The following CTNND2 variants were observed in gnomAD, a reference collection of about 807,000 sequenced individuals.
CTNND2 encodes catenin delta-2.
CTNND2 carries 22 observed loss-of-function variants against 144.4 expected under a neutral mutation model. The observed-to-expected ratio is 0.15, with a 90% CI of 0.11 to 0.22. CTNND2 has a LOEUF of 0.22. Ranked by LOEUF, CTNND2 falls within the 10% of genes least tolerant of loss-of-function variation. The pLI is 1.00. For missense variants in CTNND2, 1,353 were observed against 1,618.8 expected (o/e 0.84, Z 2.82); for synonymous variants, 751 against 695.6 (o/e 1.08, Z -1.25).
chr5:11,672,035 C>T (rs1279790479), intron 2 of CTNND2, among the ~76,000 whole-genome samples: 2 of 152,166 alleles, frequency 1.3e-5, no homozygotes, highest in Non-Finnish European at 2.9e-5. Context: ...AACAGTGAAG[C>T]CGCTCTGAGG....
At chr5:11,411,745 C>A in intron 4 of CTNND2, 93 bp from the exon 5 acceptor site, 1 of 833,782 alleles carries the variant, frequency 1.2e-6, no homozygotes, top group South Asian at 1.7e-5. Context: ...ATATCCTAGT[C>A]AAATATATTA....
At chr5:11,218,274 C>A (rs1425502086) in intron 10 of CTNND2, among the ~76,000 whole-genome samples, 1 of 152,092 alleles carries the variant, frequency 6.6e-6, no homozygotes, top group Non-Finnish European at 1.5e-5. Flanking sequence ...AAATTTTCCC[C>A]GTTGAGTCAT....
At chr5:11,474,261 G>A (rs557250414) in intron 3 of CTNND2, among the ~76,000 whole-genome samples, 5 of 152,076 alleles carry the variant, frequency 3.3e-5, no homozygotes, top group East Asian at 1.9e-4. Context: ...CTGATTGTTC[G>A]GCCCACCTCC....
At chr5:11,297,399 G>A (rs1429206956) in intron 9 of CTNND2, among the ~76,000 whole-genome samples, 1 of 152,140 alleles carries the variant, frequency 6.6e-6, no homozygotes, top group African/African-American at 2.4e-5. Flanking sequence ...TATTACCACA[G>A]ACAGAATACA....
intron 11 of CTNND2, among the ~76,000 whole-genome samples, chr5:11,192,644 G>C (rs1000297451): frequency 1.3e-5 from 2 of 152,116 alleles, no homozygotes; most frequent in African/African-American, 4.8e-5. Flanking sequence ...AGTGGAAAGG[G>C]GTCATGAGCC....
rs111807112 is a variant in CTNND2 at position 11,719,577 on chromosome 5, A to G, written c.174+12559T>C. ...ACAACAACAACAAAACTATATTTAAATGTTGTCAAGATTAAAAAATAATAT... is the reference window on the plus strand; with the variant it reads ...ACAACAACAACAAAACTATATTTAAGTGTTGTCAAGATTAAAAAATAATAT... On this transcript the variant is annotated intron_variant, in intron 2 of 21. Coordinates refer to ENST00000304623, the MANE Select transcript of CTNND2 (RefSeq NM_001332.4). 1.4e-3 allele frequency among the ~76,000 whole-genome samples: 215 copies of G among 152,312 alleles called. 1 individual carries two copies. Among genetic ancestry groups the G allele is most frequent in the African/African-American group, 5.0e-3 (206 of 41,564 alleles).
intron 9 of CTNND2, among the ~76,000 whole-genome samples, chr5:11,250,921 C>A (rs771898033): frequency 6.6e-6 from 1 of 152,010 alleles, no homozygotes; most frequent in African/African-American, 2.4e-5. Flanking sequence ...TAGTTTTGTT[C>A]GTGCAAATAA....
intron 10 of CTNND2, among the ~76,000 whole-genome samples, chr5:11,232,328 CT>C: frequency 2.9e-5 from 1 of 34,988 alleles, no homozygotes; most frequent in South Asian, 6.3e-4. Context: ...CCTGGAAAAG[CT>C]GCAGACACTC....
At chr5:11,027,453 C>T (rs1177355177) in intron 16 of CTNND2, 1 of 152,030 alleles carries the variant, frequency 6.6e-6, no homozygotes, top group Non-Finnish European at 1.5e-5. Context: ...TTTTAAGTTA[C>T]TTAGTCTCTA....
chr5:11,686,723 T>G (rs1784667979), intron 2 of CTNND2, among the ~76,000 whole-genome samples: 1 of 149,800 alleles, frequency 6.7e-6, no homozygotes, highest in Non-Finnish European at 1.5e-5. Context: ...GCATATATAA[T>G]TTTTTAACAT....
chr5:11,233,050 T>A (rs1741217797), intron 10 of CTNND2, among the ~76,000 whole-genome samples: 1 of 152,140 alleles, frequency 6.6e-6, no homozygotes, highest in Non-Finnish European at 1.5e-5. Context: ...TGATTATAAG[T>A]TTCCTGAGGC....
chr5:11,489,783 T>G (rs1483763252), intron 3 of CTNND2, among the ~76,000 whole-genome samples: 1 of 152,244 alleles, frequency 6.6e-6, no homozygotes, highest in South Asian at 2.1e-4. Context: ...ATTTATAAAT[T>G]TTAAACTAGA....
chr5:11,837,806 T>G (rs1422693376), intron 1 of CTNND2, among the ~76,000 whole-genome samples: 1 of 152,200 alleles, frequency 6.6e-6, no homozygotes, highest in Non-Finnish European at 1.5e-5. Flanking sequence ...GAGATGATAA[T>G]GTGCACAAGT....
rs551876985 is a variant in CTNND2 at position 11,760,642 on chromosome 5, G to A, written c.38-28370C>T. Among the ~76,000 whole-genome samples the A allele has an allele frequency of 5.3e-5, 8 of 152,224 alleles. No homozygotes were observed. The South Asian group carries it at 1.7e-3, about 32-fold the overall frequency. On this transcript the variant is annotated intron_variant, in intron 1 of 21. Transcript: ENST00000304623. ...TCAAAAGTTTCTTAGATTCCTCCTA[G>A]AGGAAGGAAGGAAGAGTAGGGAGTG... is the stretch of plus-strand genomic sequence containing the variant.
chr5:11,401,839 A>G (rs1253363380), intron 5 of CTNND2, among the ~76,000 whole-genome samples: 1 of 152,184 alleles, frequency 6.6e-6, no homozygotes, highest in Non-Finnish European at 1.5e-5. Context: ...TGTCACAACA[A>G]ATTGTAATCT....
At chr5:11,012,744 A>C (rs1468655314) in intron 18 of CTNND2, among the ~76,000 whole-genome samples, 1 of 152,214 alleles carries the variant, frequency 6.6e-6, no homozygotes, top group Non-Finnish European at 1.5e-5. Context: ...TTGTAGGATG[A>C]GCCTTTCAGA....
intron 13 of CTNND2, among the ~76,000 whole-genome samples, chr5:11,115,273 C>T (rs758720245): frequency 6.6e-6 from 1 of 152,222 alleles, no homozygotes; most frequent in African/African-American, 2.4e-5. Flanking sequence ...CATGTTGGTT[C>T]TTGAACCATG....
intron 17 of CTNND2, among the ~76,000 whole-genome samples, chr5:11,021,824 G>A (rs528598942): frequency 6.6e-6 from 1 of 151,374 alleles, no homozygotes; most frequent in Non-Finnish European, 1.5e-5. Flanking sequence ...GGGGGTGGGG[G>A]TGGCTTGGCA....
chr5:11,730,390 C>T (rs752962657), intron 2 of CTNND2, among the ~76,000 whole-genome samples: 3 of 152,136 alleles, frequency 2.0e-5, no homozygotes, highest in African/African-American at 4.8e-5. Flanking sequence ...GACAACACCA[C>T]GTAAGCCTCT....
Sources: allele counts gnomAD v4.1 joint callset (sites outside exome capture counted in the v4.1 genomes callset), GRCh38; gene constraint gnomAD v4.1.1; transcripts MANE v1.5; gene names NCBI Gene and HGNC (gene_info 2026-07-23, HGNC 2026-07-21).